The following TTC21A variants were observed in gnomAD, a reference collection of about 807,000 sequenced individuals.
The protein encoded by TTC21A is tetratricopeptide repeat protein 21A.
A neutral mutation model predicts 156.4 loss-of-function variants in TTC21A; 128 were observed. That is an observed-to-expected ratio of 0.82 (90% CI 0.71 to 0.95). The LOEUF (loss-of-function observed/expected upper bound fraction) is 0.95, where lower values mean the gene tolerates loss of function less well. Ranked by LOEUF, TTC21A falls within the 40% of genes least tolerant of loss-of-function variation. The pLI is 0.00. For missense variants in TTC21A, 1,435 were observed against 1,602.3 expected (o/e 0.90, Z 1.78); for synonymous variants, 587 against 617.1 (o/e 0.95, Z 0.72).
At position 39,130,767 on chromosome 3, in the gene TTC21A, A is replaced by G; in HGVS notation, c.2386A>G (p.Lys796Glu). ...GGACTTTCTGTGCTGCGATCTGGGC[A>G]AACTGCTCCTGAAGTTAAAGAAGGT... ...GQDFLCCDLG[K>E]LLLKLKKVNK... Residue 796 changes from lysine to glutamate, a missense_variant, in exon 18 of 29, where the codon AAA becomes GAA. Coordinates refer to ENST00000683103, the MANE Select transcript of TTC21A (RefSeq NM_001366900.1). This position sits in a 1 kb window ranked among gnomAD's most constrained non-coding sequence, Gnocchi z 4.5. 6.2e-7 allele frequency: 1 copy of G among 1,614,220 alleles called. No individual in the cohort carries two copies. Among genetic ancestry groups the G allele is most frequent in the Non-Finnish European group, 8.5e-7 (1 of 1,180,034 alleles).
chr3:39,112,738 G>T, intron 5 of TTC21A, 158 bp downstream of exon 5: 1 of 654,842 alleles, frequency 1.5e-6, no homozygotes, highest in Non-Finnish European at 1.9e-6. Flanking sequence ...CCAATCCAGG[G>T]TTACACAGCA....
chr3:39,133,343 C>A, intron 20 of TTC21A, 103 bp downstream of exon 20: 2 of 1,200,954 alleles, frequency 1.7e-6, no homozygotes, highest in Non-Finnish European at 2.3e-6. Flanking sequence ...CCATTCTTCC[C>A]TGAGGAGTCA....
chr3:39,107,837 G>A lies in TTC21A; in HGVS notation c.-1G>A. The stretch of plus-strand genomic sequence containing the variant: ...GGACTCGGAGCCGCGAGCGGCCCGA[G>A]ATGAGCAGCAATGACTCCTCCCTTA... On this transcript the variant is annotated 5_prime_UTR_variant, in exon 1 of 29. Coordinates refer to ENST00000683103, the MANE Select transcript of TTC21A (RefSeq NM_001366900.1). 6.2e-7 allele frequency: 1 copy of A among 1,612,894 alleles called. No individual in the cohort carries two copies. The highest frequency in any genetic ancestry group is 8.5e-7 in the Non-Finnish European group (1 of 1,179,956).
chr3:39,137,385 G>A lies in TTC21A; in HGVS notation c.3448G>A (p.Glu1150Lys), dbSNP rs370358070. The A allele has an allele frequency of 5.0e-6, 8 of 1,612,646 alleles. No individual in the cohort carries two copies. Among genetic ancestry groups the A allele is most frequent in the Non-Finnish European group, 6.8e-6 (8 of 1,179,040 alleles). ...CAGCTTCATCCAGATAGCGCAGGCT[G>A]AGGTGTGGCTGGTGGGGACTGGCGG... ...LGSFIQIAQA[E>K]KDSVPALLAL... The change falls in exon 25 of 29, where the codon GAG becomes AAG. Residue 1150 changes from glutamate to lysine, a missense_variant and splice_region_variant. Physicochemically the swap from Glu to Lys is moderately conservative, Grantham distance 56. Transcript: ENST00000683103.
chr3:39,121,175 T>C lies in TTC21A; in HGVS notation c.1079T>C (p.Met360Thr). The C allele has an allele frequency of 6.2e-7, 1 of 1,613,022 alleles. No homozygotes were observed. The highest frequency in any genetic ancestry group is 1.3e-5 in the African/African-American group (1 of 75,026). Reference sequence around the variant, plus strand: ...GCCATGAAACTGGACAAGGATGGCATGGCTGGTTTGACAGGTATATGCAGG... The same window carrying C: ...GCCATGAAACTGGACAAGGATGGCACGGCTGGTTTGACAGGTATATGCAGG... ...SEAMKLDKDG[M>T]AGLTGIILCH... The change falls in exon 9 of 29, where the codon ATG (methionine) becomes ACG (threonine). Residue 360 changes from methionine to threonine, a missense_variant. Coordinates refer to ENST00000683103, the MANE Select transcript of TTC21A (RefSeq NM_001366900.1).
At chr3:39,133,308 C>T in intron 20 of TTC21A, 68 bp downstream of exon 20, 1 of 1,495,732 alleles carries the variant, frequency 6.7e-7, no homozygotes, top group Admixed American at 1.9e-5. Flanking sequence ...AGCTCACTGA[C>T]CAGGTACAGG....
chr3:39,138,222 T>A, intron 26 of TTC21A, 45 bp from the exon 27 acceptor site: 5 of 1,612,078 alleles, frequency 3.1e-6, no homozygotes, highest in Non-Finnish European at 4.2e-6. Flanking sequence ...AGGGAACCAG[T>A]TGGGGCTTCC....
chr3:39,133,279 A>G (rs1457459014), intron 20 of TTC21A, 39 bp downstream of exon 20: 1 of 1,595,976 alleles, frequency 6.3e-7, no homozygotes, highest in East Asian at 2.2e-5. Flanking sequence ...TTTCTCCCTC[A>G]GGGCACAATG....
chr3:39,114,894 C>A, intron 6 of TTC21A, 152 bp downstream of exon 6: 3 of 806,604 alleles, frequency 3.7e-6, no homozygotes, highest in Non-Finnish European at 5.9e-6. Context: ...AGGAAGAGAG[C>A]AGGGATGGGT....
At chr3:39,126,176 C>G (rs1315977848) in intron 11 of TTC21A, 85 bp from the exon 12 acceptor site, 1 of 1,546,110 alleles carries the variant, frequency 6.5e-7, no homozygotes, top group African/African-American at 1.4e-5. Flanking sequence ...AAAATTCCTT[C>G]ACTGAGAGCA....
chr3:39,134,069 A>C lies in TTC21A; in HGVS notation c.2752-149A>C. 112 of 671,654 alleles carry C rather than the reference A, an allele frequency of 1.7e-4. No homozygotes were observed. The highest frequency in any genetic ancestry group is 2.3e-4 in the East Asian group (9 of 39,026). The allele number at this position is 671,654 out of a possible 1,614,324, so 41.6% of individuals were successfully genotyped here. ...TGGAGAACTGCATGGGAGAAGGGGAAGGCCAGGACGTTCACGTGGGGAATT... is the reference window on the plus strand; with the variant it reads ...TGGAGAACTGCATGGGAGAAGGGGACGGCCAGGACGTTCACGTGGGGAATT... On this transcript the variant is annotated intron_variant, in intron 20 of 28. Coordinates refer to ENST00000683103, the MANE Select transcript of TTC21A (RefSeq NM_001366900.1). This position sits in a 1 kb window ranked among gnomAD's most constrained non-coding sequence, Gnocchi z 4.6.
chr3:39,136,516 G>T lies in TTC21A; in HGVS notation c.3095+9G>T. 6.2e-7 allele frequency: 1 copy of T among 1,613,638 alleles called. No individual in the cohort carries two copies. The highest frequency in any genetic ancestry group is 1.1e-5 in the South Asian group (1 of 90,990). On this transcript the variant is annotated intron_variant, in intron 23 of 28. Coordinates refer to ENST00000683103, the MANE Select transcript of TTC21A (RefSeq NM_001366900.1). Reference sequence around the variant, plus strand: ...AGAGGTATCTACTGCTGGTGAGTTGGGTGTGGTGTGTTGAGGGGCAGCTGT... The same window carrying T: ...AGAGGTATCTACTGCTGGTGAGTTGTGTGTGGTGTGTTGAGGGGCAGCTGT...
chr3:39,110,942 C>G lies in TTC21A; in HGVS notation c.360C>G (p.Leu120=). 1 of 1,614,064 alleles carries G rather than the reference C, an allele frequency of 6.2e-7. No homozygotes were observed. Among genetic ancestry groups the G allele is most frequent in the South Asian group, 1.1e-5 (1 of 91,086 alleles). The part of the protein sequence containing the change: ...GTALYYAGLF[L]WLIGRHDKAK... Reference sequence around the variant, plus strand: ...CACTGTACTATGCTGGCCTTTTCCTCTGGCTCATAGGCCGCCATGACAAGG... The same window carrying G: ...CACTGTACTATGCTGGCCTTTTCCTGTGGCTCATAGGCCGCCATGACAAGG... The change falls in exon 4 of 29, where the codon CTC becomes CTG. Residue 120 remains leucine, a synonymous_variant. Transcript: ENST00000683103.
At position 39,137,226 on chromosome 3, in the gene TTC21A, G is replaced by T. The variant is rs1255789991; in HGVS notation, c.3289G>T (p.Gly1097Cys). ...GGAGAAGAAGGAGTTGGAGCAGCAGGGTGTGAGCACCGCCGAGAAACTGCT... is the reference window on the plus strand; with the variant it reads ...GGAGAAGAAGGAGTTGGAGCAGCAGTGTGTGAGCACCGCCGAGAAACTGCT... ...YMEKKELEQQ[G>C]VSTAEKLLRE... The change falls in exon 25 of 29, where the codon GGT becomes TGT. Residue 1097 changes from glycine (G) to cysteine (C), a missense_variant. Coordinates refer to ENST00000683103, the MANE Select transcript of TTC21A (RefSeq NM_001366900.1). The T allele has an allele frequency of 1.9e-6, 3 of 1,614,042 alleles. No homozygotes were observed. The South Asian group carries it at 3.3e-5, about 18-fold the overall frequency.
At chr3:39,110,750 G>A (rs2036747673) in intron 3 of TTC21A, 101 bp from the exon 4 acceptor site, 2 of 1,288,554 alleles carry the variant, frequency 1.6e-6, no homozygotes, top group South Asian at 2.5e-5. Context: ...AGTGTCTGGG[G>A]GAGACCCCGA....
Position 39,138,833 on chromosome 3 carries a change from A to C in TTC21A, c.*45A>C. The C allele has an allele frequency of 6.5e-7, 1 of 1,547,090 alleles. No homozygotes were observed. The highest frequency in any genetic ancestry group is 8.9e-7 in the Non-Finnish European group (1 of 1,123,390). ...ACCAGTAGAAGCCATCAACCTACTGAAGTTGTGTGGAGGGATGGAAAGTGG... is the reference window on the plus strand; with the variant it reads ...ACCAGTAGAAGCCATCAACCTACTGCAGTTGTGTGGAGGGATGGAAAGTGG... On this transcript the variant is annotated 3_prime_UTR_variant, in exon 29 of 29. Transcript: ENST00000683103.
At chr3:39,138,648 G>T in intron 28 of TTC21A, 25 bp downstream of exon 28, 1 of 1,614,058 alleles carries the variant, frequency 6.2e-7, no homozygotes, top group Non-Finnish European at 8.5e-7. Flanking sequence ...TTGGTGGGGA[G>T]GGCCTGGTGT....
intron 9 of TTC21A, among the ~76,000 whole-genome samples, chr3:39,123,854 C>A (rs753698823): frequency 2.6e-5 from 4 of 151,762 alleles, no homozygotes; most frequent in Admixed American, 6.6e-5. Flanking sequence ...TCACCCCCCC[C>A]AAAAAAACCA....
chr3:39,109,951 G>A lies in TTC21A; in HGVS notation c.158-78G>A, dbSNP rs151254097. Reference sequence around the variant, plus strand: ...TTAGTCCAGCAGGTAGTAGTGCTGAGCTGTTGGGTCAGCTACAGAGTCTCA... The same window carrying A: ...TTAGTCCAGCAGGTAGTAGTGCTGAACTGTTGGGTCAGCTACAGAGTCTCA... On this transcript the variant is annotated intron_variant, in intron 2 of 28. Coordinates refer to ENST00000683103, the MANE Select transcript of TTC21A (RefSeq NM_001366900.1). 1.1e-4 allele frequency: 115 copies of A among 1,027,478 alleles called. 1 individual carries two copies. The East Asian group carries it at 2.7e-3, about 24-fold the overall frequency. The allele number at this position is 1,027,478 out of a possible 1,614,324, so 63.6% of individuals were successfully genotyped here.
Sources: gnomAD v4.1 joint callset for allele counts (sites outside exome capture counted in the v4.1 genomes callset) on GRCh38, gnomAD v4.1.1 for gene constraint, Gnocchi (gnomAD v3.1) non-coding constraint, MANE v1.5 for transcripts, NCBI Gene and HGNC (gene_info 2026-07-23, HGNC 2026-07-21) for gene names.